Variants in NCOA4 observed in about 807,000 individuals in gnomAD.
NCOA4 encodes nuclear receptor coactivator 4, also known as 70 kDa AR-activator.
NCOA4 carries 31 observed loss-of-function variants against 69.5 expected under a neutral mutation model. The observed-to-expected ratio is 0.45, with a 90% CI of 0.34 to 0.60. NCOA4 has a LOEUF of 0.60. Ranked by LOEUF, NCOA4 falls within the 20% of genes least tolerant of loss-of-function variation. The pLI, the probability that NCOA4 is intolerant of heterozygous loss-of-function variation, is 0.02. For synonymous variants in NCOA4, 228 were observed against 252.4 expected (o/e 0.90, Z 0.92); for missense variants, 600 against 719.2 (o/e 0.83, Z 1.90).
At position 46,005,941 on chromosome 10, in the gene NCOA4, TAAC is replaced by T. The variant is rs1554919532; in HGVS notation, c.*648_*650del. On this transcript the variant is annotated 3_prime_UTR_variant, in exon 10 of 10. Coordinates refer to ENST00000581486, the MANE Select transcript of NCOA4 (RefSeq NM_001145263.2). Reference sequence around the variant, plus strand: ...CTAAAGAGCTCACTGGATATTTTAATAACATTTACAGAAAGACAAAATTTGCAG... The same window carrying T: ...CTAAAGAGCTCACTGGATATTTTAATATTTACAGAAAGACAAAATTTGCAG... 1 of 206,360 alleles carries T rather than the reference TAAC, an allele frequency of 4.8e-6. No homozygotes were observed. Among genetic ancestry groups the T allele is most frequent in the East Asian group, 7.4e-5 (1 of 13,478 alleles). 12.8% of individuals were successfully genotyped at this position (206,360 alleles called of 1,614,324 possible). A position where few individuals can be genotyped will look rare whatever the true frequency, so the allele number is the denominator to read the frequency against.
intron 9 of NCOA4, chr10:46,009,086 A>C (rs1483316158): frequency 7.0e-6 from 9 of 1,286,364 alleles, no homozygotes; most frequent in South Asian, 3.9e-5. Context: ...CTTTATTGGG[A>C]TATTTGCTTT....
At position 46,005,238 on chromosome 10, in the gene NCOA4, C is replaced by T. The variant is rs1197966113; in HGVS notation, c.*1354G>A. ...GCCTCAAGAAACTACAGAGCTGCAA[C>T]TCAAGATAACTGGAAAGGCTCCTTA... On this transcript the variant is annotated 3_prime_UTR_variant, in exon 10 of 10. Transcript: ENST00000581486. 4.7e-6 allele frequency: 1 copy of T among 212,740 alleles called. No homozygotes were observed. Among genetic ancestry groups the T allele is most frequent in the East Asian group, 7.0e-5 (1 of 14,254 alleles). The allele number at this position is 212,740 out of a possible 1,614,324, so 13.2% of individuals were successfully genotyped here.
At chr10:46,029,509 C>A (rs1011449493) in intron 1 of NCOA4, among the ~76,000 whole-genome samples, 6 of 152,166 alleles carry the variant, frequency 3.9e-5, no homozygotes, top group African/African-American at 1.4e-4. Context: ...ACTTCCTGTG[C>A]CATCCTCATT....
At chr10:46,012,098 A>AAAAG (rs1554921828) in intron 7 of NCOA4, among the ~76,000 whole-genome samples, 1 of 133,532 alleles carries the variant, frequency 7.5e-6, no homozygotes, top group African/African-American at 2.9e-5. Context: ...AAAAAAAAAA[A>AAAAG]AAAAACGAAA....
rs1385606330 is a variant in NCOA4 at position 46,023,462 on chromosome 10, C to CG, written c.-14-6769dup. 2.9e-5 allele frequency: 29 copies of CG among 985,580 alleles called. No individual in the cohort carries two copies. The African/African-American group carries it at 3.7e-4, about 12-fold the overall frequency. 61.1% of individuals were successfully genotyped at this position (985,580 alleles called of 1,614,324 possible). ...CGTCACACGGCAACTCCAGTTCGCC[C>CG]GGGCCACTAGCGAGCTGGAGCGCTC... On this transcript the variant is annotated intron_variant, in intron 1 of 9. Coordinates refer to ENST00000581486, the MANE Select transcript of NCOA4 (RefSeq NM_001145263.2).
At chr10:46,014,749 C>A (rs1371468167) in intron 4 of NCOA4, 105 bp downstream of exon 4, 3 of 937,332 alleles carry the variant, frequency 3.2e-6, no homozygotes, top group Admixed American at 4.8e-5. Context: ...ATCCTAGCAA[C>A]ACAGAAGTTA....
intron 5 of NCOA4, 56 bp downstream of exon 5, chr10:46,014,388 C>A: frequency 7.9e-7 from 1 of 1,264,868 alleles, no homozygotes; most frequent in African/African-American, 1.5e-5. Flanking sequence ...TTTTTAAGAC[C>A]AGCTGTGAGG....
At chr10:46,013,935 T>C (rs1017658976) in intron 5 of NCOA4, among the ~76,000 whole-genome samples, 29 of 152,172 alleles carry the variant, frequency 1.9e-4, no homozygotes, top group African/African-American at 7.0e-4. Context: ...ATTTCAAAAG[T>C]ATTTAGAGAG....
intron 1 of NCOA4, among the ~76,000 whole-genome samples, chr10:46,017,562 A>C (rs1034919262): frequency 3.9e-5 from 6 of 152,192 alleles, no homozygotes; most frequent in Non-Finnish European, 7.3e-5. Flanking sequence ...ACAAAAAAGA[A>C]TATAACAGAT....
intron 7 of NCOA4, 24 bp downstream of exon 7, chr10:46,012,859 G>C (rs201838473): frequency 1.9e-6 from 3 of 1,613,204 alleles, no homozygotes; most frequent in Admixed American, 3.3e-5. Flanking sequence ...GTCTACTGTA[G>C]AAACAATAAA....
chr10:46,023,258 T>TGCCCGGCGCCA (rs1839987977), intron 1 of NCOA4: 1 of 984,816 alleles, frequency 1.0e-6, no homozygotes, highest in African/African-American at 1.7e-5. Flanking sequence ...ACCCGGCTCC[T>TGCCCGGCGCCA]GCCCGGCGCC....
rs782369573 is a variant in NCOA4 at position 46,010,901 on chromosome 10, C to T, written c.1020G>A (p.Trp340Ter). 6.2e-7 allele frequency: 1 copy of T among 1,613,972 alleles called. No individual in the cohort carries two copies. Among genetic ancestry groups the T allele is most frequent in the Non-Finnish European group, 8.5e-7 (1 of 1,179,864 alleles). The change falls in exon 8 of 10, where the codon TGG becomes TGA. Residue 340 changes from tryptophan to a stop codon, truncating the protein, a stop_gained. Transcript: ENST00000581486. LOFTEE classifies it high-confidence loss of function. ...LLFQSYNVNDWLVKTDSCTNC... is the reference protein window; with the variant it reads ...LLFQSYNVND Reference sequence around the variant, plus strand: ...TGGTACAGGAGTCAGTCTTGACAAGCCAATCATTCACATTATAGGACTGGA... The same window carrying T: ...TGGTACAGGAGTCAGTCTTGACAAGTCAATCATTCACATTATAGGACTGGA...
In NCOA4 at chr10:46,005,892, G is replaced by T; in HGVS notation, c.*700C>A. ...AAAGGCTAGAATTACCTCAAAAATA[G>T]TCTTGAAATAATACTGAGTCCTTCT... On this transcript the variant is annotated 3_prime_UTR_variant, in exon 10 of 10. Transcript: ENST00000581486. 1 of 208,048 alleles carries T rather than the reference G, an allele frequency of 4.8e-6. No individual in the cohort carries two copies. The highest frequency in any genetic ancestry group is 9.8e-6 in the Non-Finnish European group (1 of 102,072). The allele number at this position is 208,048 out of a possible 1,614,324, so 12.9% of individuals were successfully genotyped here.
At chr10:46,014,399 C>T in intron 5 of NCOA4, 45 bp downstream of exon 5, 1 of 1,354,420 alleles carries the variant, frequency 7.4e-7, no homozygotes, top group Non-Finnish European at 1.0e-6. Context: ...AGCTGTGAGG[C>T]CACAGATATG....
At chr10:46,007,924 A>G (rs1554920222) in intron 9 of NCOA4, among the ~76,000 whole-genome samples, 1 of 152,162 alleles carries the variant, frequency 6.6e-6, no homozygotes, top group Non-Finnish European at 1.5e-5. Flanking sequence ...CTTCAATCCT[A>G]GAGCCCTTGA....
At position 46,014,917 on chromosome 10, in the gene NCOA4, GTAAGACA is replaced by G. The variant is rs1554922752; in HGVS notation, c.301_307del (p.Cys101LeufsTer12). 1 of 1,613,974 alleles carries G rather than the reference GTAAGACA, an allele frequency of 6.2e-7. No homozygotes were observed. The highest frequency in any genetic ancestry group is 1.3e-5 in the African/African-American group (1 of 74,914). On this transcript the variant is annotated frameshift_variant, in exon 4 of 10. Coordinates refer to ENST00000581486, the MANE Select transcript of NCOA4 (RefSeq NM_001145263.2). LOFTEE classifies it high-confidence loss of function. ...GTTTTGGGTACACTCCAGTTGATGAGTAAGACAATTGAACTGGCCCAATAACTAAAAG... is the reference window on the plus strand; with the variant it reads ...GTTTTGGGTACACTCCAGTTGATGAGATTGAACTGGCCCAATAACTAAAAG...
At chr10:46,017,709 G>A (rs181869916) in intron 1 of NCOA4, among the ~76,000 whole-genome samples, 1 of 152,260 alleles carries the variant, frequency 6.6e-6, no homozygotes, top group East Asian at 1.9e-4. Flanking sequence ...AATTGGTGTG[G>A]GTAAATACAG....
Position 46,013,067 on chromosome 10 carries a change from G to C in NCOA4, c.571-41C>G, listed in dbSNP as rs377625953. On this transcript the variant is annotated intron_variant, in intron 6 of 9. Coordinates refer to ENST00000581486, the MANE Select transcript of NCOA4 (RefSeq NM_001145263.2). ...CAAGGAATGTCAAATGCAGTAGAAA[G>C]TTCACCAGAAAAAGAGAAGAGCCAC... is the stretch of plus-strand genomic sequence containing the variant. The C allele has an allele frequency of 2.5e-4, 401 of 1,600,108 alleles. 2 individuals carry two copies. Among genetic ancestry groups the C allele is most frequent in the Middle Eastern group, 2.0e-3 (12 of 5,948 alleles).
At chr10:46,017,646 CAG>C (rs1468384310) in intron 1 of NCOA4, among the ~76,000 whole-genome samples, 1 of 152,012 alleles carries the variant, frequency 6.6e-6, no homozygotes, top group Non-Finnish European at 1.5e-5. Context: ...TTATATGTAA[CAG>C]ATTATATGTG....
Sources: gnomAD v4.1 joint callset for allele counts (sites outside exome capture counted in the v4.1 genomes callset) on GRCh38, gnomAD v4.1.1 for gene constraint, MANE v1.5 for transcripts, NCBI Gene and HGNC (gene_info 2026-07-23, HGNC 2026-07-21) for gene names.